Variants in ZNF385D observed in about 807,000 individuals in gnomAD.
The protein encoded by ZNF385D is zinc finger protein 659.
In ZNF385D, 15 loss-of-function variants were observed where a neutral mutation model predicts 35.8. The ratio of observed to expected loss-of-function variants is 0.42; its 90% CI spans 0.28 to 0.64. The LOEUF is 0.64. Ranked by LOEUF, ZNF385D falls within the 30% of genes least tolerant of loss-of-function variation. The pLI is 0.23. For synonymous variants in ZNF385D, 212 were observed against 186.8 expected, an observed-to-expected ratio of 1.13 and a Z score of -1.10; for missense variants, 474 against 494.6, an observed-to-expected ratio of 0.96 and a Z score of 0.39.
intron 5 of ZNF385D, among the ~76,000 whole-genome samples, chr3:21,431,412 A>C (rs1383467891): frequency 6.6e-6 from 1 of 152,164 alleles, no homozygotes; most frequent in Non-Finnish European, 1.5e-5. Context: ...TTACAGCTCT[A>C]GTACCTAGAA....
intron 2 of ZNF385D, among the ~76,000 whole-genome samples, chr3:22,264,180 T>TCACATA (rs1700777836): frequency 6.6e-6 from 1 of 151,952 alleles, no homozygotes; most frequent in African/African-American, 2.4e-5. Flanking sequence ...TTGGACTAGG[T>TCACATA]CTTGGCAGAA....
At chr3:21,428,085 A>G (rs936585015) in intron 5 of ZNF385D, among the ~76,000 whole-genome samples, 4 of 152,188 alleles carry the variant, frequency 2.6e-5, no homozygotes, top group Non-Finnish European at 4.4e-5. Context: ...AAGATCTTAA[A>G]GCTTGAGTAG....
chr3:21,925,609 GAA>G (rs950052212), intron 3 of ZNF385D, among the ~76,000 whole-genome samples: 8 of 151,516 alleles, frequency 5.3e-5, no homozygotes, highest in Non-Finnish European at 1.5e-5. Flanking sequence ...TCCATAAAAG[GAA>G]AAAAAAGATA....
intron 3 of ZNF385D, among the ~76,000 whole-genome samples, chr3:21,895,294 A>G (rs1414023130): frequency 2.4e-5 from 3 of 127,144 alleles, no homozygotes; most frequent in African/African-American, 2.9e-5. Flanking sequence ...CCTTTTTGCT[A>G]TGGTTGAATC....
At chr3:21,961,250 T>TA (rs1702574054) in intron 3 of ZNF385D, among the ~76,000 whole-genome samples, 1 of 152,074 alleles carries the variant, frequency 6.6e-6, no homozygotes. Flanking sequence ...GCCTGGAATA[T>TA]AAAAAAGGTC....
intron 2 of ZNF385D, among the ~76,000 whole-genome samples, chr3:22,335,685 G>T (rs1695131026): frequency 6.6e-6 from 1 of 152,080 alleles, no homozygotes; most frequent in Non-Finnish European, 1.5e-5. Context: ...TGACATATAT[G>T]TTTATGTGTG....
In ZNF385D at chr3:22,261,255, C is replaced by T. The variant is rs2638157; in HGVS notation, c.107-92220G>A. Among the ~76,000 whole-genome samples, 1,152 of 151,746 alleles carry T rather than the reference C, an allele frequency of 7.6e-3. 12 individuals carry two copies. Among genetic ancestry groups the T allele is most frequent in the African/African-American group, 0.026 (1,088 of 41,386 alleles). On this transcript the variant is annotated intron_variant, in intron 2 of 5. Transcript: ENST00000494108. ...GATATATTCAAGTAGTAGGAGGAGA[C>T]AGAGAACCAGCTAGACAGACTGTAA...
At chr3:21,874,028 T>C (rs1160518936) in intron 3 of ZNF385D, among the ~76,000 whole-genome samples, 1 of 151,898 alleles carries the variant, frequency 6.6e-6, no homozygotes, top group Non-Finnish European at 1.5e-5. Context: ...TGTTAAATCA[T>C]ATGGTAGTTC....
chr3:21,788,050 C>A (rs960622299), intron 3 of ZNF385D, among the ~76,000 whole-genome samples: 10 of 144,506 alleles, frequency 6.9e-5, no homozygotes, highest in Admixed American at 5.5e-4. Context: ...ATTAAAAAAA[C>A]CCAAAAGAAT....
intron 1 of ZNF385D, among the ~76,000 whole-genome samples, chr3:21,729,641 T>C (rs2068908820): frequency 6.6e-6 from 1 of 152,116 alleles, no homozygotes; most frequent in South Asian, 2.1e-4. Context: ...GGGCTGTCAA[T>C]TGACTAGGTG....
At chr3:21,655,236 A>G (rs1042894113) in intron 2 of ZNF385D, among the ~76,000 whole-genome samples, 3 of 152,000 alleles carry the variant, frequency 2.0e-5, no homozygotes, top group Non-Finnish European at 4.4e-5. Flanking sequence ...ACTCACTCCT[A>G]GAAGGTCAAT....
intron 4 of ZNF385D, among the ~76,000 whole-genome samples, chr3:21,503,564 A>G (rs896819256): frequency 5.3e-5 from 8 of 152,272 alleles, no homozygotes; most frequent in South Asian, 2.1e-4. Context: ...TTCTATCTAA[A>G]TGAATTTTTT....
rs2065761778 is a variant in ZNF385D, at chr3:21,646,701, C to T, written c.165+18185G>A. On this transcript the variant is annotated intron_variant, in intron 2 of 7. Transcript: ENST00000281523. This position sits in a 1 kb window ranked among gnomAD's most constrained non-coding sequence, Gnocchi z 4.3. ...AAACAGGCCTGCCTTCACTTCTCAA[C>T]CATCAGAGGCCTGTACAGACCCTTC... Among the ~76,000 whole-genome samples the T allele has an allele frequency of 6.6e-6, 1 of 152,208 alleles. No homozygotes were observed. The highest frequency in any genetic ancestry group is 2.1e-4 in the South Asian group (1 of 4,834).
At chr3:22,216,393 CTTTCATT>C (rs1697887828) in intron 2 of ZNF385D, among the ~76,000 whole-genome samples, 1 of 152,006 alleles carries the variant, frequency 6.6e-6, no homozygotes, top group Non-Finnish European at 1.5e-5. Flanking sequence ...CTGAAAGCCC[CTTTCATT>C]TTAATTTGTG....
intron 3 of ZNF385D, among the ~76,000 whole-genome samples, chr3:22,018,882 A>G (rs1248034680): frequency 3.3e-5 from 5 of 151,894 alleles, no homozygotes; most frequent in South Asian, 2.1e-4. Context: ...TAGATTCCCA[A>G]TGCATAGGCT....
chr3:21,963,093 T>C lies in ZNF385D; in HGVS notation c.325+205724A>G, dbSNP rs1158001925. 3.3e-5 allele frequency among the ~76,000 whole-genome samples: 5 copies of C among 152,208 alleles called. No homozygotes were observed. The East Asian group carries it at 9.6e-4, about 29-fold the overall frequency. Reference sequence around the variant, plus strand: ...CTGGTTCAAAAACCCAACCTGGCCTTAATGACCCTTTCCCAAGAAATTTAA... The same window carrying C: ...CTGGTTCAAAAACCCAACCTGGCCTCAATGACCCTTTCCCAAGAAATTTAA... On this transcript the variant is annotated intron_variant, in intron 3 of 5. Transcript: ENST00000494108.
intron 2 of ZNF385D, among the ~76,000 whole-genome samples, chr3:21,567,580 T>TA (rs1559414168): frequency 1.3e-5 from 2 of 152,026 alleles, no homozygotes; most frequent in African/African-American, 4.8e-5. Context: ...ACGGAAAAAT[T>TA]AAAAGCAGAA....
chr3:22,195,637 T>G (rs1416241975), intron 2 of ZNF385D, among the ~76,000 whole-genome samples: 2 of 152,044 alleles, frequency 1.3e-5, no homozygotes, highest in East Asian at 3.8e-4. Flanking sequence ...AAAATGACTA[T>G]ACTTTTTACA....
chr3:22,230,479 C>T (rs1698821749), intron 2 of ZNF385D, among the ~76,000 whole-genome samples: 1 of 152,104 alleles, frequency 6.6e-6, no homozygotes, highest in South Asian at 2.1e-4. Flanking sequence ...TCCATCTGTT[C>T]TTTAATGAAG....
Sources: gnomAD v4.1 joint callset for allele counts (sites outside exome capture counted in the v4.1 genomes callset) on GRCh38, gnomAD v4.1.1 for gene constraint, Gnocchi (gnomAD v3.1) non-coding constraint, MANE v1.5 for transcripts, NCBI Gene and HGNC (gene_info 2026-07-23, HGNC 2026-07-21) for gene names.